Variants in GPR179 observed in about 807,000 individuals in gnomAD.
The protein encoded by GPR179 is G protein-coupled receptor 179.
A neutral mutation model predicts 70.8 loss-of-function variants in GPR179; 52 were observed. That is an observed-to-expected ratio of 0.73 (90% CI 0.59 to 0.93). The LOEUF is 0.93. Ranked by LOEUF, GPR179 falls within the 40% of genes least tolerant of loss-of-function variation. GPR179 has a pLI of 0.00. For synonymous variants in GPR179, 1,123 were observed against 1,169.0 expected, an observed-to-expected ratio of 0.96 and a Z score of 0.80; for missense variants, 2,734 against 2,966.8, an observed-to-expected ratio of 0.92 and a Z score of 1.82.
chr17:38,332,574 T>C (rs2037368962), intron 10 of GPR179, among the ~76,000 whole-genome samples: 1 of 152,198 alleles, frequency 6.6e-6, no homozygotes, highest in South Asian at 2.1e-4. Flanking sequence ...CTAGGTGCCC[T>C]AGGCACCAAC....
chr17:38,334,908 A>G lies in GPR179; in HGVS notation c.1646-66T>C. ...GCAGCTGTCCCACCCCTTTCTCTGA[A>G]AGATGTGCTGGGGGGAGCCTGGGCT... On this transcript the variant is annotated intron_variant, in intron 7 of 10. Coordinates refer to ENST00000616987, the MANE Select transcript of GPR179 (RefSeq NM_001004334.4). This position sits in a 1 kb window ranked among gnomAD's most constrained non-coding sequence, Gnocchi z 4.7. 1 of 1,601,718 alleles carries G rather than the reference A, an allele frequency of 6.2e-7. No individual in the cohort carries two copies. Among genetic ancestry groups the G allele is most frequent in the Non-Finnish European group, 8.5e-7 (1 of 1,172,022 alleles).
Position 38,328,088 on chromosome 17 carries a change from A to G in GPR179, c.5481T>C (p.Thr1827=). The G allele has an allele frequency of 6.2e-7, 1 of 1,613,968 alleles. No homozygotes were observed. The highest frequency in any genetic ancestry group is 8.5e-7 in the Non-Finnish European group (1 of 1,179,974). ...CTGCCTTTTGGTCCAATCCCTTCCC[A>G]GTAGTTCCTTCACTTACCTCCCAGG... ...ICPWEVSEGT[T]GKGLDQKAGS... The change falls in exon 11 of 11, where the codon ACT becomes ACC. Residue 1827 remains threonine (T), a synonymous_variant. Transcript: ENST00000616987.
In GPR179 at chr17:38,343,926, C is replaced by A; in HGVS notation, c.-137G>T. 1 of 697,424 alleles carries A rather than the reference C, an allele frequency of 1.4e-6. No individual in the cohort carries two copies. The highest frequency in any genetic ancestry group is 2.8e-5 in the East Asian group (1 of 35,652). The allele number at this position is 697,424 out of a possible 1,614,324, so 43.2% of individuals were successfully genotyped here. On this transcript the variant is annotated 5_prime_UTR_variant, in exon 1 of 11. Transcript: ENST00000616987. The surrounding 1 kb of genome is among the most constrained non-coding windows in gnomAD (Gnocchi z 4.2). ...TTCCTCTCTCCGTCTCCCTCTCACG[C>A]TGGTGCCAGCTCGCCTGCTTTTTTC...
chr17:38,334,369 A>G lies in GPR179; in HGVS notation c.1785-331T>C, dbSNP rs1329160458. Among the ~76,000 whole-genome samples, 7 of 152,252 alleles carry G rather than the reference A, an allele frequency of 4.6e-5. No individual in the cohort carries two copies. The highest frequency in any genetic ancestry group is 3.4e-3 in the Middle Eastern group (1 of 294). On this transcript the variant is annotated intron_variant, in intron 8 of 10. Transcript: ENST00000616987. The surrounding 1 kb of genome is among the most constrained non-coding windows in gnomAD (Gnocchi z 4.7). ...GGACAAACAGCAGCCTGCTGCTCTT[A>G]TGGCTGAGGAGTGAGGGGAGAAGGC...
At chr17:38,341,470 C>T (rs1391012237) in intron 1 of GPR179, among the ~76,000 whole-genome samples, 1 of 152,266 alleles carries the variant, frequency 6.6e-6, no homozygotes, top group South Asian at 2.1e-4. Flanking sequence ...TGACCTGGCA[C>T]TGCCTGGACC....
rs534906720 is a variant in GPR179 at position 38,333,171 on chromosome 17, C to T, written c.2037+80G>A. On this transcript the variant is annotated intron_variant, in intron 10 of 10. Coordinates refer to ENST00000616987, the MANE Select transcript of GPR179 (RefSeq NM_001004334.4). ...AAGAGGACTTGCAGTGGCACATAGC[C>T]CAGGTGGCAGGGCCCAGTCCTCCCT... 1.3e-5 allele frequency: 18 copies of T among 1,334,510 alleles called. No homozygotes were observed. The Admixed American group carries it at 3.1e-4, about 23-fold the overall frequency. The allele number at this position is 1,334,510 out of a possible 1,614,324, so 82.7% of individuals were successfully genotyped here. A position where few individuals can be genotyped will look rare whatever the true frequency, so the allele number is the denominator to read the frequency against.
At chr17:38,342,576 T>G (rs1426402756) in intron 1 of GPR179, among the ~76,000 whole-genome samples, 1 of 152,166 alleles carries the variant, frequency 6.6e-6, no homozygotes, top group Non-Finnish European at 1.5e-5. Context: ...TGACCTCAGG[T>G]GATCCACCCG....
Position 38,328,697 on chromosome 17 carries a change from A to T in GPR179, c.4872T>A (p.Pro1624=). 1.2e-6 allele frequency: 2 copies of T among 1,613,748 alleles called. No individual in the cohort carries two copies. The highest frequency in any genetic ancestry group is 4.5e-5 in the East Asian group (2 of 44,822). ...GESQKDKEKM[P]GKSEIEDVTA... ...TGACATCTTCGATTTCCGATTTTCCAGGCATTTTCTCCTTGTCCTTTTGAG... is the reference window on the plus strand; with the variant it reads ...TGACATCTTCGATTTCCGATTTTCCTGGCATTTTCTCCTTGTCCTTTTGAG... Residue 1624 remains proline, a synonymous_variant, in exon 11 of 11, where the codon CCT becomes CCA. Transcript: ENST00000616987.
intron 1 of GPR179, 40 bp from the exon 2 acceptor site, chr17:38,339,565 T>C (rs766647383): frequency 7.1e-7 from 1 of 1,413,380 alleles, no homozygotes; most frequent in Admixed American, 1.7e-5. Context: ...CAGTGATTGA[T>C]GCCAAAGTGG....
chr17:38,335,942 G>A, intron 5 of GPR179, 134 bp downstream of exon 5: 1 of 764,046 alleles, frequency 1.3e-6, no homozygotes. Context: ...GCCATTTGTG[G>A]GTAAGAGTAG....
intron 1 of GPR179, among the ~76,000 whole-genome samples, chr17:38,342,282 C>T (rs552890433): frequency 2.9e-4 from 44 of 152,044 alleles, no homozygotes; most frequent in Non-Finnish European, 5.1e-4. Context: ...GCCTCTTGCA[C>T]TCCCTTCTCA....
Position 38,328,646 on chromosome 17 carries a change from C to A in GPR179, c.4923G>T (p.Gln1641His). The change falls in exon 11 of 11, where the codon CAG (glutamine) becomes CAT (histidine). Residue 1641 changes from glutamine to histidine, a missense_variant. Physicochemically the swap from Gln to His is conservative, Grantham distance 24. Transcript: ENST00000616987. The stretch of plus-strand genomic sequence containing the variant: ...GGCCGACCGCTTCTTGCTTTTGGAT[C>A]TGCCCCTCAGGCTTTTCCCAAGCTG... ...DVTAWEKPEG[Q>H]IQKQEAVGPW... 1 of 1,614,194 alleles carries A rather than the reference C, an allele frequency of 6.2e-7. No individual in the cohort carries two copies.
Position 38,333,377 on chromosome 17 carries a change from AG to A in GPR179, c.1910del (p.Pro637LeufsTer46). Reference protein sequence around the residue: ...FIPKFWKLGAPPREEMVDEVC... With the variant: ...FIPKFWKLGAXPREEMVDEVC... ...CCTCATCCACCATCTCCTCCCGGGG[AG>A]GAGCCCCCAGCTTCCAGAACTGGCA... is the stretch of plus-strand genomic sequence containing the variant. On this transcript the variant is annotated frameshift_variant, in exon 10 of 11. Transcript: ENST00000616987. LOFTEE classifies it high-confidence loss of function. The A allele has an allele frequency of 6.2e-7, 1 of 1,613,794 alleles. No homozygotes were observed. Among genetic ancestry groups the A allele is most frequent in the Non-Finnish European group, 8.5e-7 (1 of 1,179,920 alleles).
chr17:38,337,256 A>G, intron 3 of GPR179, 43 bp from the exon 4 acceptor site: 1 of 1,542,634 alleles, frequency 6.5e-7, no homozygotes, highest in Non-Finnish European at 8.8e-7. Flanking sequence ...GCCCAGCTAG[A>G]GCATCCTGAC....
At chr17:38,339,896 G>A (rs1015449118) in intron 1 of GPR179, among the ~76,000 whole-genome samples, 1 of 152,190 alleles carries the variant, frequency 6.6e-6, no homozygotes, top group Non-Finnish European at 1.5e-5. Flanking sequence ...TCTCTGGCCT[G>A]CCTTGACTGA....
chr17:38,340,672 C>T (rs979020618), intron 1 of GPR179, among the ~76,000 whole-genome samples: 9 of 152,070 alleles, frequency 5.9e-5, no homozygotes, highest in Middle Eastern at 6.8e-3. Context: ...AATCCCAGCA[C>T]TTTGGGAGGC....
chr17:38,328,407 G>T lies in GPR179; in HGVS notation c.5162C>A (p.Ala1721Asp). Residue 1721 changes from alanine to aspartate, a missense_variant, in exon 11 of 11, where the codon GCT becomes GAT. Ala to Asp is a moderately radical substitution (Grantham distance 126). Transcript: ENST00000616987. ...AGAGEERALGAEAIRKSPNDT... is the reference protein window; with the variant it reads ...AGAGEERALGDEAIRKSPNDT... ...ATTTGGAGATTTCCTAATGGCCTCA[G>T]CTCCCAAAGCCCTTTCCTCCCCTGC... 1 of 1,612,540 alleles carries T rather than the reference G, an allele frequency of 6.2e-7. No individual in the cohort carries two copies. Among genetic ancestry groups the T allele is most frequent in the South Asian group, 1.1e-5 (1 of 91,000 alleles).
In GPR179 at chr17:38,324,768, A is replaced by G. The variant is rs1382606265; in HGVS notation, c.*1697T>C. On this transcript the variant is annotated 3_prime_UTR_variant, in exon 11 of 11. Coordinates refer to ENST00000616987, the MANE Select transcript of GPR179 (RefSeq NM_001004334.4). ...AGAGCCCAGAACAACAACACACTTC[A>G]ATTACTGCTCCAAAAGCCCAGAATA... is the stretch of plus-strand genomic sequence containing the variant. Among the ~76,000 whole-genome samples, 1 of 152,172 alleles carries G rather than the reference A, an allele frequency of 6.6e-6. No individual in the cohort carries two copies. The highest frequency in any genetic ancestry group is 1.5e-5 in the Non-Finnish European group (1 of 68,032).
Position 38,336,968 on chromosome 17 carries a change from C to T in GPR179, c.1227+10G>A. 6.3e-7 allele frequency: 1 copy of T among 1,575,848 alleles called. No individual in the cohort carries two copies. On this transcript the variant is annotated intron_variant, in intron 4 of 10. Coordinates refer to ENST00000616987, the MANE Select transcript of GPR179 (RefSeq NM_001004334.4). Reference sequence around the variant, plus strand: ...GGACATGTGTGTAGGAGGTGTGGGGCCTTCCTTGCCTTGTTCCGGCGGCAG... The same window carrying T: ...GGACATGTGTGTAGGAGGTGTGGGGTCTTCCTTGCCTTGTTCCGGCGGCAG...
Sources: allele counts gnomAD v4.1 joint callset (sites outside exome capture counted in the v4.1 genomes callset), GRCh38; gene constraint gnomAD v4.1.1; non-coding constraint Gnocchi (gnomAD v3.1); transcripts MANE v1.5; gene names NCBI Gene and HGNC (gene_info 2026-07-23, HGNC 2026-07-21).